NRXN3: variants seen among roughly 807,000 people sequenced by gnomAD.
NRXN3 encodes neurexin 3, also known as neurexin III.
Under a neutral mutation model 137.6 loss-of-function variants are expected in NRXN3, and 32 were observed. The ratio of observed to expected loss-of-function variants is 0.23; its 90% confidence interval spans 0.18 to 0.31. NRXN3 has a LOEUF of 0.31. NRXN3 is among the 10% of genes least tolerant of loss of function. The probability of loss-of-function intolerance (pLI) is 1.00; values close to 1 mark genes in which losing one functional copy is unlikely to be tolerated. For synonymous variants in NRXN3, 798 were observed against 784.5 expected (o/e 1.02, Z -0.29); for missense variants, 1,574 against 2,062.5 (o/e 0.76, Z 4.59).
intron 15 of NRXN3, among the ~76,000 whole-genome samples, chr14:79,348,440 A>G (rs561502595): frequency 6.8e-6 from 1 of 147,730 alleles, no homozygotes; most frequent in South Asian, 2.1e-4. Flanking sequence ...CAGTGGCGCG[A>G]TCTCTGCCCA....
chr14:79,512,406 A>G lies in NRXN3; in HGVS notation c.3444+45004A>G, dbSNP rs75193509. Among the ~76,000 whole-genome samples the G allele has an allele frequency of 5.6e-3, 851 of 152,342 alleles. 4 individuals are homozygous for G. The highest frequency in any genetic ancestry group is 0.02 in the African/African-American group (827 of 41,572). On this transcript the variant is annotated intron_variant, in intron 16 of 20. Coordinates refer to ENST00000335750, the MANE Select transcript of NRXN3 (RefSeq NM_001330195.2). ...GATGACTATTAGGAAGAGATGATAC[A>G]TATAAAACTCACAGCACTGTGTCAG...
intron 3 of NRXN3, among the ~76,000 whole-genome samples, chr14:78,292,489 G>A (rs2075903161): frequency 6.6e-6 from 1 of 152,172 alleles, no homozygotes; most frequent in Non-Finnish European, 1.5e-5. Context: ...CTAGAAAGAG[G>A]GAGGTGGAAG....
intron 6 of NRXN3, among the ~76,000 whole-genome samples, chr14:78,689,086 T>C (rs181510784): frequency 2.0e-5 from 3 of 152,078 alleles, no homozygotes; most frequent in Admixed American, 6.6e-5. Flanking sequence ...GGATTAAAGG[T>C]TTTTTAAATC....
intron 4 of NRXN3, among the ~76,000 whole-genome samples, chr14:78,324,896 A>G (rs2079860774): frequency 1.3e-5 from 2 of 151,766 alleles, no homozygotes; most frequent in African/African-American, 4.9e-5. Flanking sequence ...AGAAGACCCA[A>G]TTTGGCCATC....
chr14:78,959,915 G>C (rs1357929813), intron 11 of NRXN3, among the ~76,000 whole-genome samples: 1 of 152,140 alleles, frequency 6.6e-6, no homozygotes, highest in Non-Finnish European at 1.5e-5. Context: ...TCTCCTGACA[G>C]TGAGTTCGTT....
At chr14:79,800,180 T>C (rs8021394) in intron 19 of NRXN3, among the ~76,000 whole-genome samples, 35,540 of 152,034 alleles carry the variant, frequency 0.23, 4,295 homozygotes, top group Middle Eastern at 0.34. Flanking sequence ...TAGACAATCA[T>C]TGTGAGGGGA....
intron 16 of NRXN3, among the ~76,000 whole-genome samples, chr14:79,518,899 G>A (rs565177407): frequency 1.2e-3 from 189 of 152,142 alleles, no homozygotes; most frequent in Non-Finnish European, 2.4e-3. Flanking sequence ...GTTAAATCCC[G>A]TTAGCATTGA....
intron 4 of NRXN3, among the ~76,000 whole-genome samples, chr14:78,485,782 ATAATAACC>A (rs1312518083): frequency 1.3e-5 from 2 of 152,240 alleles, no homozygotes; most frequent in African/African-American, 4.8e-5. Context: ...GAACATGGTT[ATAATAACC>A]TTTGAATGTT....
intron 4 of NRXN3, among the ~76,000 whole-genome samples, chr14:78,600,157 A>G (rs17107900): frequency 0.039 from 5,914 of 152,204 alleles, 136 homozygotes; most frequent in Middle Eastern, 0.071. Context: ...GGTCTTGGGT[A>G]TCCGACAGTG....
intron 4 of NRXN3, among the ~76,000 whole-genome samples, chr14:78,450,523 G>A (rs1055810807): frequency 2.0e-5 from 3 of 152,098 alleles, no homozygotes; most frequent in Admixed American, 6.5e-5. Context: ...ATTTTCGCAC[G>A]CTTTACTTAA....
At chr14:79,647,172 T>A (rs1603336188) in intron 16 of NRXN3, among the ~76,000 whole-genome samples, 1 of 136,386 alleles carries the variant, frequency 7.3e-6, no homozygotes, top group East Asian at 2.0e-4. Context: ...GTGGCAATTT[T>A]GTTTTTCTGG....
rs1023974076 is a variant in NRXN3, at chr14:79,013,113, T to A, written c.3262+24972T>A. Among the ~76,000 whole-genome samples, 6 of 152,292 alleles carry A rather than the reference T, an allele frequency of 3.9e-5. No individual in the cohort carries two copies. In the South Asian group the frequency reaches 6.2e-4, roughly 16 times the overall value. ...AGCTATGGGACTTTTCAGCTTTGCC[T>A]GTATGAAATTCATTTACTAAGTATA... is the stretch of plus-strand genomic sequence containing the variant. On this transcript the variant is annotated intron_variant, in intron 15 of 20. Coordinates refer to ENST00000335750, the MANE Select transcript of NRXN3 (RefSeq NM_001330195.2).
chr14:79,644,166 TA>T (rs151127695), intron 16 of NRXN3, among the ~76,000 whole-genome samples: 20,032 of 135,376 alleles, frequency 0.15, 5,161 homozygotes, highest in Middle Eastern at 0.34. Flanking sequence ...TCACCCCATG[TA>T]AAACAGATGA....
intron 6 of NRXN3, among the ~76,000 whole-genome samples, chr14:78,651,744 T>C (rs963781277): frequency 2.6e-5 from 4 of 151,094 alleles, no homozygotes; most frequent in Admixed American, 6.6e-5. Context: ...CATCAGATCT[T>C]ATGAGACTTA....
intron 8 of NRXN3, among the ~76,000 whole-genome samples, chr14:78,732,233 C>G (rs1014370909): frequency 2.0e-5 from 3 of 152,164 alleles, no homozygotes; most frequent in Non-Finnish European, 4.4e-5. Context: ...TGCATCAAGG[C>G]AAGTCATGTG....
intron 6 of NRXN3, among the ~76,000 whole-genome samples, chr14:78,675,828 G>A (rs943535484): frequency 3.1e-4 from 47 of 152,010 alleles, no homozygotes; most frequent in African/African-American, 7.2e-5. Context: ...AAGTTTTGCC[G>A]CCACCTTGCA....
intron 4 of NRXN3, among the ~76,000 whole-genome samples, chr14:78,363,527 C>T (rs2085447479): frequency 1.3e-5 from 2 of 152,172 alleles, no homozygotes; most frequent in Admixed American, 1.3e-4. Context: ...AAGACTGAGG[C>T]ACATACAGGT....
At chr14:78,525,511 A>C (rs528486411) in intron 4 of NRXN3, among the ~76,000 whole-genome samples, 21 of 152,298 alleles carry the variant, frequency 1.4e-4, no homozygotes, top group African/African-American at 4.8e-4. Flanking sequence ...GGATTCTCTT[A>C]CTGTAGACCC....
In NRXN3 at chr14:79,207,748, G is replaced by A. The variant is rs555217290; in HGVS notation, c.3262+219607G>A. ...CCAGGGGATTGTTGCATAGGCATAA[G>A]GGTTGTTCTTGGAAGCCTCTGGGTT... On this transcript the variant is annotated intron_variant, in intron 15 of 20. Coordinates refer to ENST00000335750, the MANE Select transcript of NRXN3 (RefSeq NM_001330195.2). Among the ~76,000 whole-genome samples the A allele has an allele frequency of 2.6e-5, 4 of 152,246 alleles. No homozygotes were observed. In the Middle Eastern group the frequency reaches 0.014, roughly 518 times the overall value.
Sources: gnomAD v4.1 joint callset for allele counts (sites outside exome capture counted in the v4.1 genomes callset) on GRCh38, gnomAD v4.1.1 for gene constraint, MANE v1.5 for transcripts, NCBI Gene and HGNC (gene_info 2026-07-23, HGNC 2026-07-21) for gene names.